PCDHA2: variants seen among roughly 807,000 people sequenced by gnomAD.
PCDHA2 encodes protocadherin alpha-2.
PCDHA2 carries 58 observed loss-of-function variants against 66.0 expected under a neutral mutation model. That is an observed-to-expected ratio of 0.88 (90% CI 0.71 to 1.09). The LOEUF (loss-of-function observed/expected upper bound fraction) is 1.09. Ranked by LOEUF, PCDHA2 falls within the 50% of genes least tolerant of loss-of-function variation. The probability of loss-of-function intolerance (pLI) is 0.00; values close to 1 mark genes in which losing one functional copy is unlikely to be tolerated. For synonymous variants in PCDHA2, 634 were observed against 554.0 expected, an observed-to-expected ratio of 1.14 and a Z score of -2.03; for missense variants, 1,267 against 1,242.3, an observed-to-expected ratio of 1.02 and a Z score of -0.30.
chr5:140,877,326 G>C (rs781931363), intron 1 of PCDHA2: 3 of 1,613,964 alleles, frequency 1.9e-6, no homozygotes. Flanking sequence ...CGGTCGGCGC[G>C]CACATCCCGT....
chr5:140,897,722 T>G (rs1236534951), intron 1 of PCDHA2, among the ~76,000 whole-genome samples: 10 of 152,162 alleles, frequency 6.6e-5, no homozygotes, highest in Admixed American at 6.5e-4. Context: ...GATGGCTGGG[T>G]CAAATAGTAT....
intron 1 of PCDHA2, among the ~76,000 whole-genome samples, chr5:140,821,043 A>C (rs1264059753): frequency 6.6e-6 from 1 of 152,096 alleles, no homozygotes; most frequent in East Asian, 1.9e-4. Context: ...GAAGAAACTC[A>C]GGTAAGAATG....
intron 1 of PCDHA2, chr5:140,871,710 C>A: frequency 3.6e-6 from 3 of 826,484 alleles, no homozygotes; most frequent in South Asian, 4.5e-5. Flanking sequence ...AATAAATGTC[C>A]TATTTCTCTT....
intron 3 of PCDHA2, among the ~76,000 whole-genome samples, chr5:140,995,541 G>T (rs1444257516): frequency 6.6e-5 from 10 of 152,186 alleles, no homozygotes; most frequent in Non-Finnish European, 1.3e-4. Context: ...CAAATAAGGG[G>T]CGATCACTGT....
At chr5:140,797,616 C>A (rs914544149) in intron 1 of PCDHA2, 2 of 489,812 alleles carry the variant, frequency 4.1e-6, no homozygotes, top group South Asian at 3.6e-5. Flanking sequence ...CTGAAAAACA[C>A]CTCAGCAAAA....
intron 1 of PCDHA2, among the ~76,000 whole-genome samples, chr5:140,952,541 T>G (rs1554220493): frequency 6.6e-6 from 1 of 152,140 alleles, no homozygotes; most frequent in African/African-American, 2.4e-5. Flanking sequence ...CTGGACTTCT[T>G]TGTCCATTTC....
At chr5:140,911,057 TG>T (rs1554194586) in intron 1 of PCDHA2, among the ~76,000 whole-genome samples, 1 of 151,474 alleles carries the variant, frequency 6.6e-6, no homozygotes, top group Non-Finnish European at 1.5e-5. Context: ...TGGTGGGGGG[TG>T]GGTCCTGAGG....
In PCDHA2 at chr5:140,876,830, C is replaced by T. The variant is rs199585768; in HGVS notation, c.2388+79478C>T. The T allele has an allele frequency of 3.4e-4, 552 of 1,614,204 alleles. 1 individual carries two copies. Among genetic ancestry groups the T allele is most frequent in the South Asian group, 1.5e-3 (138 of 91,090 alleles). On this transcript the variant is annotated intron_variant, in intron 1 of 3. Coordinates refer to ENST00000526136, the MANE Select transcript of PCDHA2 (RefSeq NM_018905.3). ...GTGGCCGACGTGAACGACAATGCGC[C>T]TGCGTTCGCGCAGCCCGAGTACACA...
At chr5:140,819,257 A>G (rs1260397193) in intron 1 of PCDHA2, among the ~76,000 whole-genome samples, 3 of 152,168 alleles carry the variant, frequency 2.0e-5, no homozygotes, top group Non-Finnish European at 4.4e-5. Context: ...TGGTATATCT[A>G]TATAATTTCT....
intron 1 of PCDHA2, among the ~76,000 whole-genome samples, chr5:140,894,202 A>G (rs1554185980): frequency 6.6e-6 from 1 of 152,034 alleles, no homozygotes. Context: ...TTTCTATGCT[A>G]TTATATTCTC....
rs1762003651 is a variant in PCDHA2, at chr5:140,795,857, T to C, written c.893T>C (p.Ile298Thr). Residue 298 changes from isoleucine to threonine, a missense_variant, in exon 1 of 4, where the codon ATC (isoleucine) becomes ACC (threonine). Coordinates refer to ENST00000526136, the MANE Select transcript of PCDHA2 (RefSeq NM_018905.3). ...TIQTKFTIDP[I>T]SGEIRTKGKL... The stretch of plus-strand genomic sequence containing the variant: ...CAGACTAAGTTTACCATAGATCCCA[T>C]CTCAGGGGAAATCAGAACTAAGGGA... 1.2e-6 allele frequency: 2 copies of C among 1,613,872 alleles called. No homozygotes were observed. Among genetic ancestry groups the C allele is most frequent in the East Asian group, 4.5e-5 (2 of 44,892 alleles).
At chr5:140,868,200 T>G (rs1280989116) in intron 1 of PCDHA2, 4 of 152,156 alleles carry the variant, frequency 2.6e-5, no homozygotes, top group African/African-American at 9.6e-5. Flanking sequence ...ATGGCTTACA[T>G]TAGAAATAAT....
chr5:140,828,627 G>A lies in PCDHA2; in HGVS notation c.2388+31275G>A, dbSNP rs1769859813. On this transcript the variant is annotated intron_variant, in intron 1 of 3. Coordinates refer to ENST00000526136, the MANE Select transcript of PCDHA2 (RefSeq NM_018905.3). ...AAACTCAGTTCTAGCGAATACTTCG[G>A]GCTAGATGTGAAAATAAACAGTGAT... The A allele has an allele frequency of 3.7e-6, 6 of 1,614,114 alleles. No homozygotes were observed. Among genetic ancestry groups the A allele is most frequent in the Non-Finnish European group, 5.1e-6 (6 of 1,179,986 alleles).
At chr5:140,863,247 C>A (rs782167324) in intron 1 of PCDHA2, 18 of 1,379,648 alleles carry the variant, frequency 1.3e-5, no homozygotes, top group Non-Finnish European at 1.6e-5. Context: ...CTTTGGCGGG[C>A]GTCGAGGTCC....
At chr5:140,891,100 G>T (rs544877951) in intron 1 of PCDHA2, among the ~76,000 whole-genome samples, 1 of 152,206 alleles carries the variant, frequency 6.6e-6, no homozygotes, top group East Asian at 1.9e-4. Context: ...TTGCTGTCAA[G>T]AATTTAGCTG....
intron 1 of PCDHA2, chr5:140,869,778 C>G (rs782226363): frequency 6.2e-7 from 1 of 1,612,924 alleles, no homozygotes. Flanking sequence ...TTACTGGCAC[C>G]GTTCGGCTGT....
intron 1 of PCDHA2, among the ~76,000 whole-genome samples, chr5:140,961,312 A>G (rs2095603612): frequency 6.6e-6 from 1 of 152,156 alleles, no homozygotes; most frequent in Non-Finnish European, 1.5e-5. Context: ...ATGATTTACC[A>G]GGCTCTGTTT....
At chr5:140,824,113 A>G (rs1581806457) in intron 1 of PCDHA2, 1 of 1,613,954 alleles carries the variant, frequency 6.2e-7, no homozygotes. Flanking sequence ...TCAGGGTCCC[A>G]CCTCTACAGA....
chr5:140,911,894 A>G (rs1352900427), intron 1 of PCDHA2, among the ~76,000 whole-genome samples: 2 of 152,184 alleles, frequency 1.3e-5, no homozygotes, highest in Non-Finnish European at 2.9e-5. Context: ...CAAAATCTGT[A>G]TTAGTCAGAG....
Sources: allele counts gnomAD v4.1 joint callset (sites outside exome capture counted in the v4.1 genomes callset), GRCh38; gene constraint gnomAD v4.1.1; transcripts MANE v1.5; gene names NCBI Gene and HGNC (gene_info 2026-07-23, HGNC 2026-07-21).